FGF14: variants seen among roughly 807,000 people sequenced by gnomAD.
The protein encoded by FGF14 is fibroblast growth factor homologous factor 4.
FGF14 carries 5 observed loss-of-function variants against 25.5 expected under a neutral mutation model. The ratio of observed to expected loss-of-function variants is 0.20; its 90% CI spans 0.10 to 0.41. FGF14 has a LOEUF of 0.41. Among genes scored for constraint, FGF14 ranks in the 10% least tolerant of loss-of-function variants. FGF14 has a pLI of 1.00. For synonymous variants in FGF14, 138 were observed against 118.3 expected (o/e 1.17, Z -1.08); for missense variants, 222 against 320.1 (o/e 0.69, Z 2.34).
chr13:102,287,680 AAATAT>A (rs1370899878), intron 1 of FGF14, among the ~76,000 whole-genome samples: 1 of 152,218 alleles, frequency 6.6e-6, no homozygotes, highest in Non-Finnish European at 1.5e-5. Context: ...AGAGCTAATA[AAATAT>A]ATCACATGAA....
chr13:102,266,910 C>G (rs1288364714), intron 1 of FGF14, among the ~76,000 whole-genome samples: 1 of 151,922 alleles, frequency 6.6e-6, no homozygotes, highest in Non-Finnish European at 1.5e-5. Context: ...ACAATAGTTA[C>G]AGAAGACAAA....
rs117603242 is a variant in FGF14, at chr13:101,844,760, G to A, written c.408+23965C>T. Among the ~76,000 whole-genome samples the A allele has an allele frequency of 6.5e-3, 989 of 152,040 alleles. 4 individuals are homozygous for A. The highest frequency in any genetic ancestry group is 0.017 in the Middle Eastern group (5 of 294). On this transcript the variant is annotated intron_variant, in intron 3 of 4. Coordinates refer to ENST00000376143, the MANE Select transcript of FGF14 (RefSeq NM_004115.4). ...ATATCACATACAGCTATTTGCTTAG[G>A]AAAAATTTCTGTGGGGGTACCTGTG...
chr13:101,735,898 C>A (rs1010064495), intron 3 of FGF14, among the ~76,000 whole-genome samples: 1 of 152,098 alleles, frequency 6.6e-6, no homozygotes, highest in South Asian at 2.1e-4. Context: ...TACTGCTTTA[C>A]GTGAAAGAAA....
rs578246963 is a variant in FGF14, at chr13:102,007,486, G to A, written c.209-132190C>T. On this transcript the variant is annotated intron_variant, in intron 1 of 4. Coordinates refer to the FGF14 transcript ENST00000376131. ...AAAACTGGGCAGAGTATAGAACAAT[G>A]AGCACGTCTCTAGACTCCTAGTTAG... Among the ~76,000 whole-genome samples, 3 of 152,316 alleles carry A rather than the reference G, an allele frequency of 2.0e-5. 1 individual carries two copies. The highest frequency in any genetic ancestry group is 6.8e-3 in the Middle Eastern group (2 of 294).
At chr13:102,309,135 T>TACAC (rs34911009) in intron 1 of FGF14, among the ~76,000 whole-genome samples, 22,045 of 142,368 alleles carry the variant, frequency 0.15, 1,658 homozygotes, top group Non-Finnish European at 0.16. Flanking sequence ...ATGCATAACA[T>TACAC]ACACACACAC....
intron 1 of FGF14, among the ~76,000 whole-genome samples, chr13:102,161,646 G>GAAGAAGAAGAAGAAGAAGA (rs2047730359): frequency 6.9e-5 from 1 of 14,548 alleles, no homozygotes; most frequent in Non-Finnish European, 1.4e-4. Flanking sequence ...AGAAGAAGAA[G>GAAGAAGAAGAAGAAGAAGA]AAGAAGAAGA....
intron 3 of FGF14, among the ~76,000 whole-genome samples, chr13:101,855,547 A>G (rs1006210222): frequency 2.6e-5 from 4 of 152,086 alleles, no homozygotes; most frequent in Non-Finnish European, 4.4e-5. Context: ...AATATCTGAT[A>G]ATTGAAATTA....
At chr13:102,379,613 T>C (rs2058133766) in intron 1 of FGF14, among the ~76,000 whole-genome samples, 1 of 152,074 alleles carries the variant, frequency 6.6e-6, no homozygotes. Flanking sequence ...ACTATGTTTC[T>C]GAATGTAACA....
intron 1 of FGF14, among the ~76,000 whole-genome samples, chr13:102,358,122 C>T (rs961422572): frequency 6.6e-6 from 1 of 152,076 alleles, no homozygotes; most frequent in Non-Finnish European, 1.5e-5. Flanking sequence ...AAATTATTTA[C>T]CTTTAAAAAT....
At chr13:101,769,190 T>C (rs146901837) in intron 3 of FGF14, among the ~76,000 whole-genome samples, 2,210 of 152,186 alleles carry the variant, frequency 0.015, 28 homozygotes, top group Non-Finnish European at 0.02. Flanking sequence ...AGATGGCACA[T>C]AAACATATGA....
chr13:101,877,012 T>C (rs1266251188), intron 1 of FGF14, among the ~76,000 whole-genome samples: 1 of 152,128 alleles, frequency 6.6e-6, no homozygotes, highest in Non-Finnish European at 1.5e-5. Flanking sequence ...AAAATGAGAA[T>C]ATTAGTGATT....
rs145559445 is a variant in FGF14, at chr13:102,068,999, C to T, written c.209-193703G>A. ...TCGGGATTGTAAACACACCAATCAG[C>T]ACCCTGTGTTTAGCTCAAGGTTTGT... On this transcript the variant is annotated intron_variant, in intron 1 of 4. Transcript: ENST00000376131. Among the ~76,000 whole-genome samples, 4 of 152,344 alleles carry T rather than the reference C, an allele frequency of 2.6e-5. 1 individual carries two copies. The East Asian group carries it at 5.8e-4, about 22-fold the overall frequency.
chr13:102,292,305 A>AAAAAAAAAC (rs199609949), intron 1 of FGF14: 1 of 130,670 alleles, frequency 7.7e-6, no homozygotes. Flanking sequence ...AAAAAAAAAA[A>AAAAAAAAAC]CTGACAATTT....
chr13:102,314,734 T>C (rs777935153), intron 1 of FGF14, among the ~76,000 whole-genome samples: 5 of 152,124 alleles, frequency 3.3e-5, no homozygotes, highest in Non-Finnish European at 7.4e-5. Flanking sequence ...TGAAAGTTAA[T>C]TTCTGCTATC....
chr13:101,788,959 G>GAGAGAGAGAGAGAT (rs2040069248), intron 3 of FGF14, among the ~76,000 whole-genome samples: 1 of 32,918 alleles, frequency 3.0e-5, no homozygotes, highest in Non-Finnish European at 7.2e-5. Flanking sequence ...CAGAGAGAGA[G>GAGAGAGAGAGAGAT]AGAGAGAGAG....
intron 1 of FGF14, among the ~76,000 whole-genome samples, chr13:102,280,274 C>A (rs150795275): frequency 1.5e-3 from 228 of 152,254 alleles, no homozygotes; most frequent in African/African-American, 5.1e-3. Context: ...AAACAAATGT[C>A]ATTTTAACAG....
chr13:101,909,395 G>GA (rs976127164), intron 1 of FGF14, among the ~76,000 whole-genome samples: 34 of 151,982 alleles, frequency 2.2e-4, no homozygotes, highest in African/African-American at 6.8e-4. Context: ...AAATTTGCAA[G>GA]AAAAAAACAA....
chr13:102,335,067 C>T (rs559478863), intron 1 of FGF14, among the ~76,000 whole-genome samples: 1 of 152,156 alleles, frequency 6.6e-6, no homozygotes, highest in Non-Finnish European at 1.5e-5. Context: ...AATTGCATAT[C>T]CATATTCCTT....
chr13:102,273,837 G>C (rs1037541242), intron 1 of FGF14, among the ~76,000 whole-genome samples: 4 of 151,706 alleles, frequency 2.6e-5, no homozygotes, highest in Non-Finnish European at 4.4e-5. Flanking sequence ...TACTTAAAAG[G>C]CTGAGGTGGG....
Sources: allele counts gnomAD v4.1 joint callset (sites outside exome capture counted in the v4.1 genomes callset), GRCh38; gene constraint gnomAD v4.1.1; transcripts MANE v1.5; gene names NCBI Gene and HGNC (gene_info 2026-07-23, HGNC 2026-07-21).